Variants in INSYN2A observed in about 807,000 individuals in gnomAD.
The protein encoded by INSYN2A is inhibitory synaptic factor 2A, also known as family with sequence similarity 196 member A.
A neutral mutation model predicts 39.4 loss-of-function variants in INSYN2A; 17 were observed. The ratio of observed to expected loss-of-function variants is 0.43; its 90% CI spans 0.30 to 0.65. The LOEUF is 0.65. Ranked by LOEUF, INSYN2A falls within the 30% of genes least tolerant of loss-of-function variation. The pLI is 0.14. For synonymous variants in INSYN2A, 255 were observed against 265.7 expected, an observed-to-expected ratio of 0.96 and a Z score of 0.39; for missense variants, 595 against 631.2, an observed-to-expected ratio of 0.94 and a Z score of 0.61.
rs909259141 is a variant in INSYN2A, at chr10:127,196,461, C to G, written c.-859G>C. Among the ~76,000 whole-genome samples, 2 of 148,370 alleles carry G rather than the reference C, an allele frequency of 1.3e-5. No homozygotes were observed. Among genetic ancestry groups the G allele is most frequent in the African/African-American group, 4.9e-5 (2 of 41,044 alleles). ...GGCGGGGGCGGGGCAGAGGAGGGAG[C>G]AGGAGGGAAGTCCTTTCCGCTGCTC... On this transcript the variant is annotated 5_prime_UTR_variant, in exon 1 of 6. Transcript: ENST00000522781.
At chr10:127,160,114 T>A (rs2133645257) in intron 4 of INSYN2A, among the ~76,000 whole-genome samples, 1 of 149,798 alleles carries the variant, frequency 6.7e-6, no homozygotes, top group Middle Eastern at 3.4e-3. Context: ...AAACATGAAT[T>A]GTTTGGTTAA....
chr10:127,169,028 C>A (rs1300497999), intron 4 of INSYN2A, among the ~76,000 whole-genome samples: 2 of 152,184 alleles, frequency 1.3e-5, no homozygotes, highest in Non-Finnish European at 2.9e-5. Flanking sequence ...GCAAGTATAT[C>A]ATTTCTACCC....
chr10:127,142,116 G>T (rs1425783211), intron 5 of INSYN2A, among the ~76,000 whole-genome samples: 1 of 152,222 alleles, frequency 6.6e-6, no homozygotes, highest in Non-Finnish European at 1.5e-5. Context: ...TGGACAGCAG[G>T]TGGAGGTCTA....
At chr10:127,185,092 C>T (rs2056105361) in intron 2 of INSYN2A, among the ~76,000 whole-genome samples, 1 of 152,180 alleles carries the variant, frequency 6.6e-6, no homozygotes. Flanking sequence ...GGGAGATGTG[C>T]AAGAGCAGGC....
intron 2 of INSYN2A, among the ~76,000 whole-genome samples, chr10:127,178,641 T>G (rs2055417553): frequency 6.6e-6 from 1 of 152,208 alleles, no homozygotes; most frequent in Non-Finnish European, 1.5e-5. Context: ...AAGGAAGTCC[T>G]TGGTGCTTTA....
chr10:127,180,779 TA>T (rs1409738873), intron 2 of INSYN2A, among the ~76,000 whole-genome samples: 2 of 152,148 alleles, frequency 1.3e-5, no homozygotes, highest in Admixed American at 6.6e-5. Context: ...AAAGGATAAT[TA>T]TAGAGATTAT....
chr10:127,177,351 CGGGGAATACCAGTGGG>C (rs1209405432), intron 2 of INSYN2A, among the ~76,000 whole-genome samples: 1 of 152,130 alleles, frequency 6.6e-6, no homozygotes, highest in Non-Finnish European at 1.5e-5. Flanking sequence ...TGACTCCTCT[CGGGGAATACCAGTGGG>C]GTAAAATGCC....
rs1263561662 is a variant in INSYN2A at position 127,137,413 on chromosome 10, T to A, written c.*424A>T. ...AAATGAAACATAAAAATGAAGTCCTTCGCAAACATAAGGCTTGCTTTTTCT... is the reference window on the plus strand; with the variant it reads ...AAATGAAACATAAAAATGAAGTCCTACGCAAACATAAGGCTTGCTTTTTCT... On this transcript the variant is annotated 3_prime_UTR_variant, in exon 6 of 6. Transcript: ENST00000522781. 3 of 155,958 alleles carry A rather than the reference T, an allele frequency of 1.9e-5. No individual in the cohort carries two copies. Among genetic ancestry groups the A allele is most frequent in the Non-Finnish European group, 4.2e-5 (3 of 70,592 alleles). The allele number at this position is 155,958 out of a possible 1,614,324, so 9.7% of individuals were successfully genotyped here.
intron 4 of INSYN2A, among the ~76,000 whole-genome samples, chr10:127,157,174 C>CT (rs969486719): frequency 7.5e-4 from 114 of 152,282 alleles, no homozygotes; most frequent in African/African-American, 2.7e-3. Context: ...AGAATGAACT[C>CT]TAAGGAGGTG....
chr10:127,162,066 G>A (rs147425818), intron 4 of INSYN2A, among the ~76,000 whole-genome samples: 202 of 152,232 alleles, frequency 1.3e-3, no homozygotes, highest in Admixed American at 2.1e-3. Flanking sequence ...CATGGGTTTC[G>A]AGAACGTTAA....
chr10:127,166,643 G>A (rs1174228147), intron 4 of INSYN2A, among the ~76,000 whole-genome samples: 1 of 152,254 alleles, frequency 6.6e-6, no homozygotes, highest in Non-Finnish European at 1.5e-5. Flanking sequence ...TAGGTCATCT[G>A]TATGGGGATT....
In INSYN2A at chr10:127,136,532, A is replaced by G. The variant is rs1838924648; in HGVS notation, c.*1305T>C. The G allele has an allele frequency of 6.6e-6, 1 of 152,610 alleles. No individual in the cohort carries two copies. The highest frequency in any genetic ancestry group is 2.4e-5 in the African/African-American group (1 of 41,448). 9.5% of individuals were successfully genotyped at this position (152,610 alleles called of 1,614,324 possible). On this transcript the variant is annotated 3_prime_UTR_variant, in exon 6 of 6. Coordinates refer to ENST00000522781, the MANE Select transcript of INSYN2A (RefSeq NM_001039762.3). ...CCCTACTTCCTATTGTGAAAATCAA[A>G]AAATTGATAGACAAAGTCATTAATA...
At chr10:127,186,603 G>A (rs1401904948) in intron 2 of INSYN2A, among the ~76,000 whole-genome samples, 2 of 150,366 alleles carry the variant, frequency 1.3e-5, no homozygotes, top group Non-Finnish European at 3.0e-5. Flanking sequence ...GATTTGGGTG[G>A]GGACAGAGAG....
chr10:127,178,201 C>G (rs184056075), intron 2 of INSYN2A, among the ~76,000 whole-genome samples: 103 of 152,338 alleles, frequency 6.8e-4, no homozygotes, highest in Admixed American at 1.4e-3. Flanking sequence ...CCTTGCTGGC[C>G]TCCACTGCTG....
chr10:127,142,974 C>T (rs1358388466), intron 5 of INSYN2A, among the ~76,000 whole-genome samples: 2 of 152,172 alleles, frequency 1.3e-5, no homozygotes, highest in African/African-American at 4.8e-5. Flanking sequence ...TGCACCTAAG[C>T]TTTATTTTCT....
chr10:127,155,594 G>T (rs1191385762), intron 4 of INSYN2A, among the ~76,000 whole-genome samples: 1 of 152,030 alleles, frequency 6.6e-6, no homozygotes, highest in Non-Finnish European at 1.5e-5. Context: ...TTCCTCACCA[G>T]ACACGGTGAT....
Position 127,137,834 on chromosome 10 carries a change from G to A in INSYN2A, c.*3C>T. 6.2e-7 allele frequency: 1 copy of A among 1,612,666 alleles called. No homozygotes were observed. Among genetic ancestry groups the A allele is most frequent in the Non-Finnish European group, 8.5e-7 (1 of 1,179,588 alleles). On this transcript the variant is annotated 3_prime_UTR_variant, in exon 6 of 6. Coordinates refer to ENST00000522781, the MANE Select transcript of INSYN2A (RefSeq NM_001039762.3). ...GGCCTCGAGACTCCAGACACCGTGA[G>A]TGTTAAAGGAACCAGAGTTTCCATC...
At position 127,175,500 on chromosome 10, in the gene INSYN2A, G is replaced by T. The variant is rs150869481; in HGVS notation, c.896C>A (p.Ala299Glu). 4.4e-6 allele frequency: 7 copies of T among 1,608,616 alleles called. No individual in the cohort carries two copies. Among genetic ancestry groups the T allele is most frequent in the South Asian group, 2.2e-5 (2 of 91,082 alleles). Residue 299 changes from alanine (A) to glutamate (E), a missense_variant, in exon 4 of 6, where the codon GCG becomes GAG. This residue lies in a region of INSYN2A where 478 missense variants were observed against 467.4 expected (regional missense o/e 1.02). Coordinates refer to ENST00000522781, the MANE Select transcript of INSYN2A (RefSeq NM_001039762.3). This position sits in a 1 kb window ranked among gnomAD's most constrained non-coding sequence, Gnocchi z 6.3. ...RRATHLNGLQ[A>E]PSETALACSP... Reference sequence around the variant, plus strand: ...GCAGGCCAGGGCAGTTTCCGAGGGCGCCTGGAGCCCGTTGAGATGTGTGGC... The same window carrying T: ...GCAGGCCAGGGCAGTTTCCGAGGGCTCCTGGAGCCCGTTGAGATGTGTGGC...
At chr10:127,140,225 A>G (rs935606658) in intron 5 of INSYN2A, among the ~76,000 whole-genome samples, 1 of 152,172 alleles carries the variant, frequency 6.6e-6, no homozygotes, top group Non-Finnish European at 1.5e-5. Flanking sequence ...GTTATTAACC[A>G]ATTTATCACA....
Sources: gnomAD v4.1 joint callset for allele counts (sites outside exome capture counted in the v4.1 genomes callset) on GRCh38, gnomAD v4.1.1 for gene constraint, gnomAD v4.1.1 regional missense constraint, Gnocchi (gnomAD v3.1) non-coding constraint, MANE v1.5 for transcripts, NCBI Gene and HGNC (gene_info 2026-07-23, HGNC 2026-07-21) for gene names.